Variants in FOXP2 observed in about 807,000 individuals in gnomAD.
FOXP2 encodes forkhead box P2.
A neutral mutation model predicts 115.8 loss-of-function variants in FOXP2; 12 were observed. The ratio of observed to expected loss-of-function variants is 0.10; its 90% CI spans 0.07 to 0.17. The LOEUF is 0.17. FOXP2 is among the 10% of genes least tolerant of loss of function. The probability of loss-of-function intolerance (pLI) is 1.00; values close to 1 mark genes in which losing one functional copy is unlikely to be tolerated. For synonymous variants in FOXP2, 328 were observed against 297.7 expected, an observed-to-expected ratio of 1.10 and a Z score of -1.05; for missense variants, 629 against 843.5, an observed-to-expected ratio of 0.75 and a Z score of 3.15.
intron 1 of FOXP2, among the ~76,000 whole-genome samples, chr7:114,153,937 A>C (rs1019806935): frequency 2.0e-5 from 3 of 152,132 alleles, no homozygotes; most frequent in African/African-American, 4.8e-5. Flanking sequence ...ATAGTAAATC[A>C]AGGAAAGTAA....
At position 114,663,617 on chromosome 7, in the gene FOXP2, A is replaced by G. The variant is rs1807004948; in HGVS notation, c.1839+98A>G. 4.3e-6 allele frequency: 4 copies of G among 932,364 alleles called. No individual in the cohort carries two copies. The Admixed American group carries it at 8.3e-5, about 19-fold the overall frequency. The allele number at this position is 932,364 out of a possible 1,614,324, so 57.8% of individuals were successfully genotyped here. A position where few individuals can be genotyped will look rare whatever the true frequency, so the allele number is the denominator to read the frequency against. The stretch of plus-strand genomic sequence containing the variant: ...TTTAGGTGAGATTGTGATTGTTCTT[A>G]ATAGTTGGTTTATCATCCAAGTTGT... On this transcript the variant is annotated intron_variant, in intron 15 of 16. Transcript: ENST00000350908.
In FOXP2 at chr7:114,102,497, C is replaced by A. The variant is rs541746388; in HGVS notation, c.-247+14659C>A. Among the ~76,000 whole-genome samples the A allele has an allele frequency of 8.9e-4, 135 of 151,750 alleles. 1 individual carries two copies. The highest frequency in any genetic ancestry group is 1.5e-3 in the Non-Finnish European group (100 of 67,934). ...TAAATGAATGACTGTGCCTGTGTTC[C>A]AGAAAGGTTTATTTATGGACACTTA... On this transcript the variant is annotated intron_variant, in intron 1 of 19. Coordinates refer to the FOXP2 transcript ENST00000635638.
At chr7:114,401,977 C>T (rs1293567707) in intron 2 of FOXP2, among the ~76,000 whole-genome samples, 1 of 152,102 alleles carries the variant, frequency 6.6e-6, no homozygotes, top group Admixed American at 6.6e-5. Flanking sequence ...CAAAAATTAG[C>T]TAGGCATGGT....
At chr7:114,462,366 C>CTTTT (rs1170387045) in intron 2 of FOXP2, among the ~76,000 whole-genome samples, 53 of 89,296 alleles carry the variant, frequency 5.9e-4, no homozygotes, top group African/African-American at 1.2e-3. Context: ...AGCATAATAT[C>CTTTT]TTTTTTTTTT....
intron 2 of FOXP2, among the ~76,000 whole-genome samples, chr7:114,472,047 G>A (rs986478180): frequency 5.3e-5 from 8 of 151,826 alleles, no homozygotes; most frequent in Non-Finnish European, 1.0e-4. Context: ...CTGCACTAGT[G>A]TGCAAACAGG....
chr7:114,189,770 A>G (rs924968477), intron 1 of FOXP2, among the ~76,000 whole-genome samples: 2 of 152,164 alleles, frequency 1.3e-5, no homozygotes, highest in Admixed American at 1.3e-4. Context: ...TATTCCTTTT[A>G]TTCTTTAGAG....
chr7:114,666,793 G>T (rs951373021), intron 16 of FOXP2: 1 of 152,090 alleles, frequency 6.6e-6, no homozygotes, highest in East Asian at 1.9e-4. Flanking sequence ...GATTGAGCAC[G>T]TTACTTAATA....
chr7:114,351,476 A>G (rs1260707514), intron 2 of FOXP2, among the ~76,000 whole-genome samples: 2 of 152,126 alleles, frequency 1.3e-5, no homozygotes. Context: ...TCCAAAGAAA[A>G]CTACAACTCA....
At chr7:114,127,591 G>C (rs1210616479) in intron 1 of FOXP2, among the ~76,000 whole-genome samples, 1 of 152,148 alleles carries the variant, frequency 6.6e-6, no homozygotes, top group Non-Finnish European at 1.5e-5. Flanking sequence ...AGAATGTAAA[G>C]AGACGAAGAA....
At chr7:114,222,955 C>A (rs867399315) in intron 1 of FOXP2, among the ~76,000 whole-genome samples, 1 of 152,154 alleles carries the variant, frequency 6.6e-6, no homozygotes, top group East Asian at 1.9e-4. Context: ...TTCAGGTTTA[C>A]TATTTATTAT....
At chr7:114,287,991 A>T (rs766401292) in intron 1 of FOXP2, 14 of 422,648 alleles carry the variant, frequency 3.3e-5, no homozygotes, top group South Asian at 2.4e-4. Context: ...TTTTCTAAGC[A>T]GTGACAATTA....
chr7:114,448,156 G>A (rs1255151388), intron 2 of FOXP2, among the ~76,000 whole-genome samples: 1 of 152,036 alleles, frequency 6.6e-6, no homozygotes. Context: ...TATTTTAGTT[G>A]TAATTGTTGT....
intron 2 of FOXP2, among the ~76,000 whole-genome samples, chr7:114,337,014 G>A (rs1270784650): frequency 6.6e-6 from 1 of 151,434 alleles, no homozygotes; most frequent in Non-Finnish European, 1.5e-5. Flanking sequence ...TACATAATAA[G>A]CATAAAAGCG....
intron 2 of FOXP2, among the ~76,000 whole-genome samples, chr7:114,453,604 T>C (rs904365174): frequency 6.6e-6 from 1 of 152,176 alleles, no homozygotes; most frequent in Admixed American, 6.5e-5. Flanking sequence ...TGGTCTTACT[T>C]CCTGGACCAA....
intron 3 of FOXP2, among the ~76,000 whole-genome samples, chr7:114,538,728 C>G (rs1799513483): frequency 6.6e-6 from 1 of 151,564 alleles, no homozygotes; most frequent in Admixed American, 6.6e-5. Flanking sequence ...AGTGAGGTAT[C>G]TTAATTTTTC....
chr7:114,637,725 G>A (rs1379623012), intron 6 of FOXP2, among the ~76,000 whole-genome samples: 1 of 152,030 alleles, frequency 6.6e-6, no homozygotes, highest in Non-Finnish European at 1.5e-5. Context: ...GGCAAGAATA[G>A]GAAAAGCCTA....
intron 2 of FOXP2, among the ~76,000 whole-genome samples, chr7:114,491,601 T>C (rs550282610): frequency 2.0e-5 from 3 of 152,268 alleles, no homozygotes; most frequent in African/African-American, 7.2e-5. Flanking sequence ...TCCTGAATGG[T>C]ATTGCCTAGG....
chr7:114,597,516 A>G (rs1802793484), intron 3 of FOXP2, among the ~76,000 whole-genome samples: 1 of 152,124 alleles, frequency 6.6e-6, no homozygotes, highest in Admixed American at 6.6e-5. Flanking sequence ...AGGATATGAC[A>G]TTCAGGCATC....
chr7:114,156,224 AT>A (rs1463069160), intron 1 of FOXP2, among the ~76,000 whole-genome samples: 3 of 151,984 alleles, frequency 2.0e-5, no homozygotes, highest in South Asian at 2.1e-4. Flanking sequence ...GCCACCAGTT[AT>A]TTTTTTACAG....
Sources: gnomAD v4.1 joint callset for allele counts (sites outside exome capture counted in the v4.1 genomes callset) on GRCh38, gnomAD v4.1.1 for gene constraint, MANE v1.5 for transcripts, NCBI Gene and HGNC (gene_info 2026-07-23, HGNC 2026-07-21) for gene names.